The following RABGAP1 variants were observed in gnomAD, a reference collection of about 807,000 sequenced individuals.
RABGAP1 encodes rab GTPase-activating protein 1.
Under a neutral mutation model 137.6 loss-of-function variants are expected in RABGAP1, and 23 were observed. The ratio of observed to expected loss-of-function variants is 0.17; its 90% CI spans 0.12 to 0.24. RABGAP1 has a LOEUF of 0.24. RABGAP1 is among the 10% of genes least tolerant of loss of function. The pLI is 1.00. For missense variants in RABGAP1, 906 were observed against 1,275.8 expected, an observed-to-expected ratio of 0.71 and a Z score of 4.42; for synonymous variants, 451 against 450.7, an observed-to-expected ratio of 1.00 and a Z score of -0.01.
chr9:123,095,525 A>C (rs1399712604), intron 21 of RABGAP1, among the ~76,000 whole-genome samples: 2 of 152,164 alleles, frequency 1.3e-5, no homozygotes, highest in African/African-American at 2.4e-5. Context: ...TATAGCAAGA[A>C]TTTGTCTCTA....
chr9:123,098,771 C>A lies in RABGAP1; in HGVS notation c.2790C>A (p.Asn930Lys). 1 of 1,613,648 alleles carries A rather than the reference C, an allele frequency of 6.2e-7. No homozygotes were observed. Among genetic ancestry groups the A allele is most frequent in the Non-Finnish European group, 8.5e-7 (1 of 1,179,758 alleles). ...AGGCAGAATCTGAGATTAAAAAAAA[C>A]AGTTCTATCATTGGTGACTATAAGC... Reference protein sequence around the residue: ...LDKAESEIKKNSSIIGDYKQI... With the variant: ...LDKAESEIKKKSSIIGDYKQI... Residue 930 changes from asparagine (N) to lysine (K), a missense_variant, in exon 23 of 26, where the codon AAC (asparagine) becomes AAA (lysine). By Grantham distance (94) the Asn-to-Lys change is moderately conservative. Coordinates refer to ENST00000373647, the MANE Select transcript of RABGAP1 (RefSeq NM_012197.4).
At chr9:122,985,763 C>A (rs1041512642) in intron 3 of RABGAP1, among the ~76,000 whole-genome samples, 1 of 151,982 alleles carries the variant, frequency 6.6e-6, no homozygotes, top group Admixed American at 6.6e-5. Flanking sequence ...TGATTGAGAC[C>A]GACTCTAATA....
At chr9:123,016,266 G>C (rs1443064438) in intron 12 of RABGAP1, among the ~76,000 whole-genome samples, 1 of 152,090 alleles carries the variant, frequency 6.6e-6, no homozygotes, top group Admixed American at 6.5e-5. Flanking sequence ...CAGCATTTTG[G>C]GAGGTCAAGG....
In RABGAP1 at chr9:122,986,435, T is replaced by G. The variant is rs1836372282; in HGVS notation, c.590+16T>G. 5.0e-6 allele frequency: 8 copies of G among 1,610,596 alleles called. No homozygotes were observed. The highest frequency in any genetic ancestry group is 5.9e-6 in the Non-Finnish European group (7 of 1,176,804). On this transcript the variant is annotated intron_variant, in intron 4 of 25. Transcript: ENST00000373647. ...GAATTGTGAGGTGAGACTGGTTTGT[T>G]GAAATCTTTCGATATTTACATCAGA...
intron 13 of RABGAP1, among the ~76,000 whole-genome samples, chr9:123,056,188 G>C (rs1231950285): frequency 6.6e-6 from 1 of 152,216 alleles, no homozygotes; most frequent in African/African-American, 2.4e-5. Context: ...TCAACTGATA[G>C]AGCAAGCAAA....
At chr9:122,990,783 AAAAAAAAAAAAAAATATATATATATATAT>A (rs1158612938) in intron 6 of RABGAP1, 2 of 80,570 alleles carry the variant, frequency 2.5e-5, no homozygotes, top group Non-Finnish European at 4.3e-5. Context: ...AAAAAAAAAA[AAAAAAAAAAAAAAATATATATATATATAT>A]ATATATATAT....
intron 22 of RABGAP1, among the ~76,000 whole-genome samples, 187 bp from the exon 23 acceptor site, chr9:123,098,528 C>T (rs1374599197): frequency 2.0e-5 from 3 of 152,144 alleles, no homozygotes; most frequent in African/African-American, 7.2e-5. Flanking sequence ...TTTAACTGTT[C>T]TCTCCCTCTC....
At chr9:122,968,162 A>G (rs996587426) in intron 2 of RABGAP1, among the ~76,000 whole-genome samples, 2 of 152,022 alleles carry the variant, frequency 1.3e-5, no homozygotes, top group African/African-American at 2.4e-5. Context: ...ATCAGTGTAA[A>G]TAGGGTATCC....
intron 10 of RABGAP1, among the ~76,000 whole-genome samples, chr9:123,005,010 C>A (rs148489329): frequency 7.3e-6 from 1 of 137,338 alleles, no homozygotes; most frequent in Non-Finnish European, 1.5e-5. Flanking sequence ...GAGCCGAGAT[C>A]GCGCCATTGC....
At chr9:123,008,241 G>A (rs931035333) in intron 10 of RABGAP1, among the ~76,000 whole-genome samples, 3 of 152,194 alleles carry the variant, frequency 2.0e-5, no homozygotes, top group African/African-American at 4.8e-5. Flanking sequence ...AGTGGACCAC[G>A]TTGGTTTGTT....
At chr9:123,039,316 C>T (rs558049958) in intron 13 of RABGAP1, among the ~76,000 whole-genome samples, 41 of 152,266 alleles carry the variant, frequency 2.7e-4, no homozygotes, top group African/African-American at 7.2e-4. Context: ...TGTCATCAAA[C>T]TCTCTGAAGG....
intron 12 of RABGAP1, among the ~76,000 whole-genome samples, chr9:123,018,376 G>A (rs761481223): frequency 4.2e-4 from 64 of 152,194 alleles, no homozygotes; most frequent in Non-Finnish European, 8.2e-4. Flanking sequence ...AAGCTAGTAA[G>A]GTTAGCAGGC....
At chr9:122,958,219 C>T (rs1199016938) in intron 2 of RABGAP1, among the ~76,000 whole-genome samples, 2 of 152,168 alleles carry the variant, frequency 1.3e-5, no homozygotes, top group East Asian at 3.9e-4. Context: ...AACCATCTGG[C>T]CACCTTGGCA....
intron 1 of RABGAP1, among the ~76,000 whole-genome samples, chr9:122,951,884 T>A (rs1020017883): frequency 6.6e-6 from 1 of 152,230 alleles, no homozygotes; most frequent in African/African-American, 2.4e-5. Context: ...ATTGTGAATC[T>A]TTATTTAGCA....
chr9:123,090,166 C>T (rs570043040), intron 20 of RABGAP1, 109 bp from the exon 21 acceptor site: 2 of 808,542 alleles, frequency 2.5e-6, no homozygotes, highest in South Asian at 3.7e-5. Context: ...AGCCATTTCT[C>T]TTATTGTTTC....
chr9:123,048,862 T>C (rs1401412209), intron 13 of RABGAP1, among the ~76,000 whole-genome samples: 1 of 152,200 alleles, frequency 6.6e-6, no homozygotes, highest in Non-Finnish European at 1.5e-5. Context: ...CAGGAAAAGG[T>C]TGACAGTGCA....
Position 123,103,414 on chromosome 9 carries a change from C to A in RABGAP1, c.*201C>A. On this transcript the variant is annotated 3_prime_UTR_variant, in exon 26 of 26. Coordinates refer to ENST00000373647, the MANE Select transcript of RABGAP1 (RefSeq NM_012197.4). ...AAGACTACTGATACTAACAGGCCTGCTAGCTCAGCCGACGCTCTGGACACT... is the reference window on the plus strand; with the variant it reads ...AAGACTACTGATACTAACAGGCCTGATAGCTCAGCCGACGCTCTGGACACT... 1 of 666,676 alleles carries A rather than the reference C, an allele frequency of 1.5e-6. No individual in the cohort carries two copies. The highest frequency in any genetic ancestry group is 2.4e-6 in the Non-Finnish European group (1 of 424,964). 41.3% of individuals were successfully genotyped at this position (666,676 alleles called of 1,614,324 possible).
chr9:122,990,248 C>A (rs371754714), intron 6 of RABGAP1, 35 bp downstream of exon 6: 7 of 1,526,146 alleles, frequency 4.6e-6, no homozygotes, highest in Admixed American at 1.8e-5. Context: ...TATTAACATG[C>A]TGTGGTTCAG....
rs1163802666 is a variant in RABGAP1 at position 122,984,693 on chromosome 9, G to C, written c.359G>C (p.Ser120Thr). Residue 120 changes from serine (S) to threonine (T), a missense_variant, in exon 3 of 26, where the codon AGC becomes ACC. Coordinates refer to ENST00000373647, the MANE Select transcript of RABGAP1 (RefSeq NM_012197.4). Reference sequence around the variant, plus strand: ...GTAGGGCTCCAAAAACCAGAGATGAGCCTACCAGTGAAACCTGGACAAGGA... The same window carrying C: ...GTAGGGCTCCAAAAACCAGAGATGACCCTACCAGTGAAACCTGGACAAGGA... ...PLVGLQKPEM[S>T]LPVKPGQGDS... 6.2e-7 allele frequency: 1 copy of C among 1,613,988 alleles called. No individual in the cohort carries two copies. The highest frequency in any genetic ancestry group is 8.5e-7 in the Non-Finnish European group (1 of 1,179,964).
Sources: allele counts gnomAD v4.1 joint callset (sites outside exome capture counted in the v4.1 genomes callset), GRCh38; gene constraint gnomAD v4.1.1; transcripts MANE v1.5; gene names NCBI Gene and HGNC (gene_info 2026-07-23, HGNC 2026-07-21).